The following KDM4B variants were observed in gnomAD, a reference collection of about 807,000 sequenced individuals.
KDM4B encodes lysine-specific demethylase 4B.
A neutral mutation model predicts 125.2 loss-of-function variants in KDM4B; 32 were observed. The observed-to-expected ratio is 0.26, with a 90% CI of 0.19 to 0.34. The LOEUF (loss-of-function observed/expected upper bound fraction) is 0.34. KDM4B is among the 10% of genes least tolerant of loss of function. The pLI is 1.00. For missense variants in KDM4B, 1,190 were observed against 1,577.7 expected (o/e 0.75, Z 4.16); for synonymous variants, 721 against 677.9 (o/e 1.06, Z -0.99).
At chr19:5,104,662 C>T (rs542847536) in intron 9 of KDM4B, among the ~76,000 whole-genome samples, 17 of 152,196 alleles carry the variant, frequency 1.1e-4, no homozygotes, top group Admixed American at 8.5e-4. Flanking sequence ...GTGTGTCCCT[C>T]GGGAGCTTCC....
intron 10 of KDM4B, 146 bp from the exon 11 acceptor site, chr19:5,119,507 C>A: frequency 1.2e-6 from 1 of 826,362 alleles, no homozygotes; most frequent in Non-Finnish European, 2.0e-6. Flanking sequence ...GTTCCCTTTA[C>A]CCCCGGCCTC....
chr19:5,038,051 A>C (rs1431752783), intron 3 of KDM4B, among the ~76,000 whole-genome samples: 1 of 152,274 alleles, frequency 6.6e-6, no homozygotes, highest in Non-Finnish European at 1.5e-5. Context: ...GCAGGCGTCA[A>C]CACACAGCTC....
intron 1 of KDM4B, among the ~76,000 whole-genome samples, chr19:5,006,866 A>G (rs1215134499): frequency 2.0e-5 from 3 of 151,998 alleles, no homozygotes; most frequent in African/African-American, 7.2e-5. Flanking sequence ...GACGGCCTCC[A>G]TGTTCCGCTC....
chr19:5,113,813 T>C (rs918515170), intron 10 of KDM4B: 1 of 869,576 alleles, frequency 1.1e-6, no homozygotes, highest in Non-Finnish European at 1.4e-6. Flanking sequence ...GTGGGCGCCA[T>C]GCCCTCACCC....
At chr19:5,086,206 C>T (rs954661955) in intron 9 of KDM4B, among the ~76,000 whole-genome samples, 7 of 151,934 alleles carry the variant, frequency 4.6e-5, no homozygotes, top group South Asian at 2.1e-4. Flanking sequence ...CCCCCCACCC[C>T]GTTGTCCCCT....
chr19:5,033,519 G>T (rs1017172316), intron 3 of KDM4B, among the ~76,000 whole-genome samples: 1 of 150,874 alleles, frequency 6.6e-6, no homozygotes, highest in Non-Finnish European at 1.5e-5. Context: ...ATTAGAGGCT[G>T]CAATGAGCTA....
intron 6 of KDM4B, among the ~76,000 whole-genome samples, chr19:5,058,827 G>T (rs956603354): frequency 3.3e-5 from 5 of 152,350 alleles, no homozygotes; most frequent in African/African-American, 1.2e-4. Context: ...TTTTAGGGAG[G>T]TAGGAGCCAA....
chr19:5,138,675 T>G (rs528993469), intron 18 of KDM4B, among the ~76,000 whole-genome samples: 1 of 151,936 alleles, frequency 6.6e-6, no homozygotes, highest in Non-Finnish European at 1.5e-5. Context: ...CAAACAATTG[T>G]AACAATGCTT....
chr19:5,065,907 C>T (rs943127711), intron 6 of KDM4B, among the ~76,000 whole-genome samples: 14 of 152,180 alleles, frequency 9.2e-5, no homozygotes, highest in Non-Finnish European at 1.5e-4. Context: ...GCAGCTCTGC[C>T]GCCAGCCCAG....
intron 1 of KDM4B, among the ~76,000 whole-genome samples, chr19:4,982,345 A>C (rs965605014): frequency 1.4e-5 from 2 of 147,518 alleles, no homozygotes; most frequent in African/African-American, 5.0e-5. Context: ...CCAGCTACTC[A>C]GGAGGCTGAG....
At position 5,131,104 on chromosome 19, in the gene KDM4B, C is replaced by T; in HGVS notation, c.1344C>T (p.Thr448=). 1 of 1,516,118 alleles carries T rather than the reference C, an allele frequency of 6.6e-7. No individual in the cohort carries two copies. Among genetic ancestry groups the T allele is most frequent in the South Asian group, 1.3e-5 (1 of 75,758 alleles). The allele number at this position is 1,516,118 out of a possible 1,614,324, so 93.9% of individuals were successfully genotyped here. Residue 448 remains threonine, a synonymous_variant, in exon 12 of 23, where the codon ACC becomes ACT. Transcript: ENST00000159111. ...EEDGRGKLRP[T]KAKSERKKKS... ...ACGGGAGGGGCAAGCTGCGGCCAACCAAGGCCAAGAGCGAGCGGAAGAAGA... is the reference window on the plus strand; with the variant it reads ...ACGGGAGGGGCAAGCTGCGGCCAACTAAGGCCAAGAGCGAGCGGAAGAAGA...
At chr19:5,029,411 T>G (rs1348549569) in intron 2 of KDM4B, among the ~76,000 whole-genome samples, 1 of 152,216 alleles carries the variant, frequency 6.6e-6, no homozygotes, top group Non-Finnish European at 1.5e-5. Context: ...CAGGACTGCA[T>G]TTCAGTAAAT....
chr19:5,143,684 A>AC (rs2039785602), intron 18 of KDM4B, among the ~76,000 whole-genome samples: 1 of 150,932 alleles, frequency 6.6e-6, no homozygotes, highest in Admixed American at 6.6e-5. Context: ...ACGGGAGAGG[A>AC]CTCCCCGGGG....
At chr19:5,109,733 G>A (rs1285751280) in intron 9 of KDM4B, among the ~76,000 whole-genome samples, 1 of 152,200 alleles carries the variant, frequency 6.6e-6, no homozygotes, top group African/African-American at 2.4e-5. Context: ...CTGCAAGCTG[G>A]AGGCAGTCAG....
rs185976843 is a variant in KDM4B, at chr19:5,129,933, C to T, written c.1316-1143C>T. ...GCGGCGGCCCTCAGAGGGATTGCCC[C>T]GGCACGAGCTTCCCACAGCCCGACA... is the stretch of plus-strand genomic sequence containing the variant. On this transcript the variant is annotated intron_variant, in intron 11 of 22. Coordinates refer to ENST00000159111, the MANE Select transcript of KDM4B (RefSeq NM_015015.3). Among the ~76,000 whole-genome samples the T allele has an allele frequency of 2.6e-3, 397 of 152,332 alleles. 6 individuals carry two copies. The highest frequency in any genetic ancestry group is 8.9e-3 in the African/African-American group (368 of 41,578).
chr19:5,053,450 A>C (rs760891110), intron 6 of KDM4B, among the ~76,000 whole-genome samples: 17 of 152,222 alleles, frequency 1.1e-4, no homozygotes, highest in Admixed American at 7.9e-4. Flanking sequence ...CACGGAGAGC[A>C]GATCAGACCA....
At chr19:5,014,350 C>A (rs1008593837) in intron 1 of KDM4B, among the ~76,000 whole-genome samples, 5 of 152,132 alleles carry the variant, frequency 3.3e-5, no homozygotes, top group Non-Finnish European at 7.4e-5. Flanking sequence ...GATCTCGGCT[C>A]GCTGCAAGCT....
chr19:5,081,907 C>G lies in KDM4B; in HGVS notation c.781-460C>G, dbSNP rs1484389938. ...AAGCTGCTGTCAGCACCACCCGCCC[C>G]GAAACCAGCCCCAGCTGCTTCAGGA... On this transcript the variant is annotated intron_variant, in intron 8 of 22. Coordinates refer to ENST00000159111, the MANE Select transcript of KDM4B (RefSeq NM_015015.3). This position sits in a 1 kb window ranked among gnomAD's most constrained non-coding sequence, Gnocchi z 4.2. Among the ~76,000 whole-genome samples, 1 of 152,220 alleles carries G rather than the reference C, an allele frequency of 6.6e-6. No homozygotes were observed. Among genetic ancestry groups the G allele is most frequent in the Admixed American group, 6.5e-5 (1 of 15,292 alleles).
At chr19:5,106,165 C>T (rs552124429) in intron 9 of KDM4B, among the ~76,000 whole-genome samples, 1 of 152,322 alleles carries the variant, frequency 6.6e-6, no homozygotes, top group South Asian at 2.1e-4. Context: ...GTCCTGTAGA[C>T]CGCATCTTGC....
Sources: gnomAD v4.1 joint callset for allele counts (sites outside exome capture counted in the v4.1 genomes callset) on GRCh38, gnomAD v4.1.1 for gene constraint, Gnocchi (gnomAD v3.1) non-coding constraint, MANE v1.5 for transcripts, NCBI Gene and HGNC (gene_info 2026-07-23, HGNC 2026-07-21) for gene names.